UST: variants seen among roughly 807,000 people sequenced by gnomAD.
UST encodes chondroitin sulfate 2-O-sulfotransferase.
In UST, 21 loss-of-function variants were observed where a neutral mutation model predicts 45.6. That is an observed-to-expected ratio of 0.46 (90% confidence interval 0.33 to 0.66). UST has a LOEUF of 0.66. Ranked by LOEUF, UST falls within the 30% of genes least tolerant of loss-of-function variation. The pLI, the probability that UST is intolerant of heterozygous loss-of-function variation, is 0.02. For synonymous variants in UST, 215 were observed against 200.6 expected (o/e 1.07, Z -0.61); for missense variants, 463 against 512.4 (o/e 0.90, Z 0.93).
At chr6:148,848,908 G>T (rs1041844836) in intron 1 of UST, among the ~76,000 whole-genome samples, 10 of 152,152 alleles carry the variant, frequency 6.6e-5, no homozygotes, top group Admixed American at 5.9e-4. Flanking sequence ...AAGGAGGCTA[G>T]TGCTGTCACT....
Position 148,964,420 on chromosome 6 carries a change from G to A in UST, c.538G>A (p.Asp180Asn). 2 of 1,614,158 alleles carry A rather than the reference G, an allele frequency of 1.2e-6. No homozygotes were observed. Among genetic ancestry groups the A allele is most frequent in the Admixed American group, 1.7e-5 (1 of 60,018 alleles). The stretch of plus-strand genomic sequence containing the variant: ...CAATGTTTGTGTTAGGTTTGGAGGA[G>A]ACCAGCCTGTCTACATCAACATCAT... ...HFLNFSRFGG[D>N]QPVYINIIRD... Residue 180 changes from aspartate to asparagine, a missense_variant, in exon 5 of 8, where the codon GAC becomes AAC. By Grantham distance (23) the Asp-to-Asn change is conservative. Around this residue, in one of 2 missense-constraint regions of UST, gnomAD observed 287 missense variants for 374.2 expected, o/e 0.77. Coordinates refer to ENST00000367463, the MANE Select transcript of UST (RefSeq NM_005715.3).
intron 5 of UST, among the ~76,000 whole-genome samples, chr6:149,011,867 G>A (rs1259904223): frequency 1.3e-5 from 2 of 151,984 alleles, no homozygotes; most frequent in Admixed American, 1.3e-4. Context: ...TAATTTTAAA[G>A]CCAGTTTGTT....
At chr6:148,918,260 T>C (rs1779627383) in intron 2 of UST, among the ~76,000 whole-genome samples, 2 of 152,252 alleles carry the variant, frequency 1.3e-5, no homozygotes. Flanking sequence ...AGTTTTAAGA[T>C]ACCATTTCCA....
At chr6:149,043,015 C>CTTTCTTTCTTTCT in intron 7 of UST, among the ~76,000 whole-genome samples, 1 of 119,786 alleles carries the variant, frequency 8.3e-6, no homozygotes. Context: ...TTCTTTCTTT[C>CTTTCTTTCTTTCT]TTTCTTTTTC....
At chr6:148,833,935 G>A (rs952265992) in intron 1 of UST, among the ~76,000 whole-genome samples, 31 of 152,182 alleles carry the variant, frequency 2.0e-4, no homozygotes, top group African/African-American at 2.4e-4. Context: ...TTATCAATAT[G>A]AGCATTCTGT....
chr6:148,879,952 C>CTTTTTTTTTTTT (rs766758383), intron 1 of UST, among the ~76,000 whole-genome samples: 9 of 119,834 alleles, frequency 7.5e-5, no homozygotes, highest in Non-Finnish European at 1.3e-4. Context: ...TTTTTTTTTT[C>CTTTTTTTTTTTT]TTTTTTTTTT....
intron 1 of UST, among the ~76,000 whole-genome samples, chr6:148,882,769 G>A (rs1778847124): frequency 6.6e-6 from 1 of 152,130 alleles, no homozygotes; most frequent in South Asian, 2.1e-4. Context: ...TTTGAGGGGC[G>A]CTTGTGAGGA....
intron 1 of UST, among the ~76,000 whole-genome samples, chr6:148,760,345 C>T (rs1776189031): frequency 6.6e-6 from 1 of 152,148 alleles, no homozygotes; most frequent in South Asian, 2.1e-4. Context: ...ATTTGCACAG[C>T]CTCCTCCCGG....
Position 148,777,315 on chromosome 6 carries a change from T to G in UST, c.247+29638T>G, listed in dbSNP as rs184963103. On this transcript the variant is annotated intron_variant, in intron 1 of 7. Coordinates refer to ENST00000367463, the MANE Select transcript of UST (RefSeq NM_005715.3). ...ATGACTCTGAATAAGTAAATAAGAT[T>G]TAATTGAATTATGCAATTTTCAGTT... is the stretch of plus-strand genomic sequence containing the variant. Among the ~76,000 whole-genome samples, 115 of 152,358 alleles carry G rather than the reference T, an allele frequency of 7.5e-4. 1 individual carries two copies. The highest frequency in any genetic ancestry group is 2.0e-3 in the Admixed American group (30 of 15,304).
At chr6:148,769,203 A>C (rs1776374257) in intron 1 of UST, among the ~76,000 whole-genome samples, 1 of 152,248 alleles carries the variant, frequency 6.6e-6, no homozygotes, top group Admixed American at 6.5e-5. Flanking sequence ...TCAGGAACAC[A>C]GACAGCACTC....
At chr6:148,825,676 G>C (rs530303016) in intron 1 of UST, among the ~76,000 whole-genome samples, 2 of 152,180 alleles carry the variant, frequency 1.3e-5, no homozygotes. Flanking sequence ...AGATATTGGC[G>C]TAACATTGCC....
chr6:149,002,238 C>T (rs1250769811), intron 5 of UST, among the ~76,000 whole-genome samples: 2 of 151,440 alleles, frequency 1.3e-5, no homozygotes, highest in African/African-American at 4.8e-5. Context: ...ATTAAAAACT[C>T]TATTAAACCA....
intron 7 of UST, among the ~76,000 whole-genome samples, chr6:149,029,866 T>TTGTGTG (rs3074362): frequency 0.016 from 2,299 of 140,770 alleles, 43 homozygotes; most frequent in African/African-American, 0.053. Flanking sequence ...GCACTGGATC[T>TTGTGTG]TGTGTGTGTG....
chr6:148,808,114 A>G (rs1009311697), intron 1 of UST, among the ~76,000 whole-genome samples: 5 of 152,190 alleles, frequency 3.3e-5, no homozygotes, highest in Admixed American at 1.3e-4. Flanking sequence ...CTTGTGCTGG[A>G]GTTTCCATGG....
intron 1 of UST, among the ~76,000 whole-genome samples, chr6:148,831,956 C>T (rs1177831395): frequency 6.6e-6 from 1 of 152,142 alleles, no homozygotes; most frequent in Non-Finnish European, 1.5e-5. Context: ...AACAATGGGT[C>T]TAATACTTGT....
At chr6:148,994,972 A>AT (rs1203603063) in intron 5 of UST, among the ~76,000 whole-genome samples, 2 of 151,820 alleles carry the variant, frequency 1.3e-5, no homozygotes, top group Non-Finnish European at 2.9e-5. Context: ...ATTTTCACAT[A>AT]TTTTTTCTTT....
intron 2 of UST, among the ~76,000 whole-genome samples, chr6:148,937,240 A>C (rs908624891): frequency 1.2e-4 from 18 of 152,150 alleles, no homozygotes; most frequent in African/African-American, 4.1e-4. Context: ...GTGAAAACAC[A>C]TTTCCTGCTT....
At chr6:148,953,252 C>T (rs1286668996) in intron 3 of UST, among the ~76,000 whole-genome samples, 1 of 152,144 alleles carries the variant, frequency 6.6e-6, no homozygotes, top group African/African-American at 2.4e-5. Flanking sequence ...CTTGATTTGA[C>T]TTTAAAGGAA....
chr6:148,996,373 CATGCCCAGCTAAT>C (rs1781451828), intron 5 of UST, among the ~76,000 whole-genome samples: 2 of 152,184 alleles, frequency 1.3e-5, no homozygotes, highest in East Asian at 1.9e-4. Flanking sequence ...CACTTGCCAC[CATGCCCAGCTAAT>C]TTTTGTATTT....
Sources: allele counts gnomAD v4.1 joint callset (sites outside exome capture counted in the v4.1 genomes callset), GRCh38; gene constraint gnomAD v4.1.1; regional missense constraint gnomAD v4.1.1; transcripts MANE v1.5; gene names NCBI Gene and HGNC (gene_info 2026-07-23, HGNC 2026-07-21).